The following COL22A1 variants were observed in gnomAD, a reference collection of about 807,000 sequenced individuals.
COL22A1 encodes the protein collagen alpha-1(XXII) chain.
In COL22A1, 221 loss-of-function variants were observed where a neutral mutation model predicts 248.9. That is an observed-to-expected ratio of 0.89 (90% CI 0.80 to 0.99). COL22A1 has a LOEUF of 0.99. COL22A1 is among the 50% of genes least tolerant of loss of function. COL22A1 has a pLI of 0.00. For missense variants in COL22A1, 2,240 were observed against 2,179.0 expected (o/e 1.03, Z -0.56); for synonymous variants, 891 against 793.4 (o/e 1.12, Z -2.07).
intron 16 of COL22A1, among the ~76,000 whole-genome samples, chr8:138,774,619 C>T (rs1358542146): frequency 1.3e-5 from 2 of 152,014 alleles, no homozygotes; most frequent in South Asian, 2.1e-4. Context: ...GGGGTTTCAC[C>T]GTGTTAAGCC....
At chr8:138,837,013 C>A (rs569324158) in intron 4 of COL22A1, among the ~76,000 whole-genome samples, 65 of 152,204 alleles carry the variant, frequency 4.3e-4, no homozygotes, top group African/African-American at 1.5e-3. Context: ...GGAAGTTATC[C>A]GGTTTTGTTG....
intron 23 of COL22A1, among the ~76,000 whole-genome samples, chr8:138,731,570 T>C (rs1200626342): frequency 6.6e-6 from 1 of 151,500 alleles, no homozygotes; most frequent in Non-Finnish European, 1.5e-5. Flanking sequence ...AATGGGCAGG[T>C]GTGTGGGGTT....
chr8:138,846,826 G>A (rs1821281165), intron 3 of COL22A1, among the ~76,000 whole-genome samples: 1 of 152,226 alleles, frequency 6.6e-6, no homozygotes, highest in East Asian at 1.9e-4. Flanking sequence ...CAAGCATTGA[G>A]CTACCTCTAG....
intron 32 of COL22A1, among the ~76,000 whole-genome samples, chr8:138,698,603 G>A (rs1048801224): frequency 6.6e-6 from 1 of 152,224 alleles, no homozygotes; most frequent in Non-Finnish European, 1.5e-5. Context: ...ACAGGTGAGG[G>A]AGGTGCTGCC....
chr8:138,611,952 A>C (rs2131884925), intron 56 of COL22A1, among the ~76,000 whole-genome samples: 1 of 152,362 alleles, frequency 6.6e-6, no homozygotes, highest in Non-Finnish European at 1.5e-5. Context: ...CATGACCTAG[A>C]CTTGGGAAGC....
intron 7 of COL22A1, among the ~76,000 whole-genome samples, chr8:138,814,219 C>T (rs1021806042): frequency 1.2e-4 from 19 of 152,238 alleles, no homozygotes; most frequent in Admixed American, 7.2e-4. Flanking sequence ...CGCTTTAGCA[C>T]GTGGTACCTC....
chr8:138,730,276 GC>G lies in COL22A1; in HGVS notation c.2140-4837del, dbSNP rs1830613434. On this transcript the variant is annotated intron_variant, in intron 23 of 64. Coordinates refer to ENST00000303045, the MANE Select transcript of COL22A1 (RefSeq NM_152888.3). Reference sequence around the variant, plus strand: ...GGGTGATGCCTTTAAAGGGAGAGGGGCAGTGGGCAGGCACAGCTTTGATCCT... The same window carrying G: ...GGGTGATGCCTTTAAAGGGAGAGGGGAGTGGGCAGGCACAGCTTTGATCCT... Among the ~76,000 whole-genome samples, 4 of 152,288 alleles carry G rather than the reference GC, an allele frequency of 2.6e-5. No individual in the cohort carries two copies. In the South Asian group the frequency reaches 8.3e-4, roughly 32 times the overall value.
At position 138,652,734 on chromosome 8, in the gene COL22A1, GGTTTTT is replaced by G. The variant is rs1822856081; in HGVS notation, c.3334-2962_3334-2957del. Among the ~76,000 whole-genome samples, 5 of 45,912 alleles carry G rather than the reference GGTTTTT, an allele frequency of 1.1e-4. No homozygotes were observed. The South Asian group carries it at 3.4e-3, about 32-fold the overall frequency. The allele number at this position is 45,912 out of a possible 152,430, so 30.1% of individuals were successfully genotyped here. A position where few individuals can be genotyped will look rare whatever the true frequency, so the allele number is the denominator to read the frequency against. ...CTAAAATATTTTCTTTTCCTTTTCT[GGTTTTT>G]TTTTTTTTTTTTTTTTTTTTTTTGG... On this transcript the variant is annotated intron_variant, in intron 45 of 64. Coordinates refer to ENST00000303045, the MANE Select transcript of COL22A1 (RefSeq NM_152888.3).
intron 30 of COL22A1, among the ~76,000 whole-genome samples, chr8:138,709,225 T>C (rs1586529141): frequency 6.6e-6 from 1 of 152,180 alleles, no homozygotes. Context: ...TGGAAGACAG[T>C]GTGGCGATTC....
At chr8:138,795,480 G>A (rs1053167854) in intron 12 of COL22A1, among the ~76,000 whole-genome samples, 6 of 150,184 alleles carry the variant, frequency 4.0e-5, no homozygotes, top group African/African-American at 1.5e-4. Flanking sequence ...TTAATAATAG[G>A]TATTTGTCTC....
chr8:138,639,349 C>T (rs1214610852), intron 47 of COL22A1, among the ~76,000 whole-genome samples: 1 of 152,186 alleles, frequency 6.6e-6, no homozygotes, highest in African/African-American at 2.4e-5. Context: ...TTTCCTAGAA[C>T]ATGATGCCTT....
At chr8:138,623,267 T>C (rs1390985943) in intron 52 of COL22A1, among the ~76,000 whole-genome samples, 1 of 4,268 alleles carries the variant, frequency 2.3e-4, no homozygotes, top group African/African-American at 4.7e-4. Flanking sequence ...TATTTATGTG[T>C]GTGTGTGTGT....
intron 3 of COL22A1, among the ~76,000 whole-genome samples, chr8:138,850,154 G>A (rs761609634): frequency 1.3e-5 from 2 of 152,122 alleles, no homozygotes; most frequent in South Asian, 2.1e-4. Context: ...TCCACCACCT[G>A]TTCCAGAACT....
chr8:138,822,625 C>T (rs953780507), intron 6 of COL22A1, among the ~76,000 whole-genome samples: 4 of 152,192 alleles, frequency 2.6e-5, no homozygotes, highest in Non-Finnish European at 5.9e-5. Context: ...CCTGGGGCTC[C>T]CTGCTCCCAG....
chr8:138,780,434 C>T (rs562405095), intron 13 of COL22A1, among the ~76,000 whole-genome samples: 3 of 152,210 alleles, frequency 2.0e-5, no homozygotes, highest in South Asian at 2.1e-4. Flanking sequence ...ACTGACCCAC[C>T]GAAGCTGAGA....
intron 1 of COL22A1, among the ~76,000 whole-genome samples, chr8:138,887,221 C>T (rs1427806655): frequency 6.6e-6 from 1 of 151,074 alleles, no homozygotes; most frequent in Non-Finnish European, 1.5e-5. Context: ...AGACTGTGGT[C>T]TCTCATTGTT....
intron 3 of COL22A1, among the ~76,000 whole-genome samples, chr8:138,856,500 CAG>C (rs771503806): frequency 1.2e-3 from 178 of 146,280 alleles, no homozygotes; most frequent in Non-Finnish European, 2.3e-3. Context: ...GCGAGAGAGA[CAG>C]AGAGAGAGAG....
chr8:138,588,359 T>C lies in COL22A1; in HGVS notation c.*894A>G, dbSNP rs1564065995. The C allele has an allele frequency of 6.6e-6, 1 of 152,202 alleles. No homozygotes were observed. The highest frequency in any genetic ancestry group is 6.5e-5 in the Admixed American group (1 of 15,278). The allele number at this position is 152,202 out of a possible 1,614,324, so 9.4% of individuals were successfully genotyped here. A position where few individuals can be genotyped will look rare whatever the true frequency, so the allele number is the denominator to read the frequency against. ...CTTGGAGATACAAATTTCCCAGCTC[T>C]GGTCAGTGCCCTGGCCAACTGCCCA... On this transcript the variant is annotated 3_prime_UTR_variant, in exon 65 of 65. Transcript: ENST00000303045.
chr8:138,694,255 C>T (rs2130930993), intron 34 of COL22A1, among the ~76,000 whole-genome samples: 1 of 152,316 alleles, frequency 6.6e-6, no homozygotes, highest in East Asian at 1.9e-4. Flanking sequence ...CAGAAACCTG[C>T]AGCTCACCTA....
Sources: allele counts gnomAD v4.1 joint callset (sites outside exome capture counted in the v4.1 genomes callset), GRCh38; gene constraint gnomAD v4.1.1; transcripts MANE v1.5; gene names NCBI Gene and HGNC (gene_info 2026-07-23, HGNC 2026-07-21).